The following DAO variants were observed in gnomAD, a reference collection of about 807,000 sequenced individuals.
DAO encodes the protein D-amino acid oxidase.
In DAO, 51 loss-of-function variants were observed where a neutral mutation model predicts 50.1. The observed-to-expected ratio is 1.02, with a 90% CI of 0.81 to 1.29. The LOEUF (loss-of-function observed/expected upper bound fraction) is 1.29, where lower values mean the gene tolerates loss of function less well. Ranked by LOEUF, DAO falls within the 50% of genes most tolerant of loss-of-function variation. The probability of loss-of-function intolerance (pLI) is 0.00; values close to 1 mark genes in which losing one functional copy is unlikely to be tolerated. For synonymous variants in DAO, 160 were observed against 166.2 expected, an observed-to-expected ratio of 0.96 and a Z score of 0.29; for missense variants, 436 against 439.4, an observed-to-expected ratio of 0.99 and a Z score of 0.07.
chr12:108,898,236 G>T (rs373099322), intron 8 of DAO, among the ~76,000 whole-genome samples: 1 of 152,114 alleles, frequency 6.6e-6, no homozygotes, highest in Non-Finnish European at 1.5e-5. Context: ...GTTGATGAAG[G>T]TGTGATTGGG....
intron 1 of DAO, among the ~76,000 whole-genome samples, chr12:108,882,697 C>T (rs1352182140): frequency 6.6e-6 from 1 of 152,072 alleles, no homozygotes; most frequent in African/African-American, 2.4e-5. Context: ...AGCAACTTGC[C>T]CAGGGTTACA....
In DAO at chr12:108,898,422, G is replaced by A. The variant is rs147789034; in HGVS notation, c.696-257G>A. The A allele has an allele frequency of 7.0e-3, 3,403 of 484,914 alleles. 28 individuals are homozygous for A. Among genetic ancestry groups the A allele is most frequent in the Non-Finnish European group, 9.8e-3 (2,544 of 260,530 alleles). 30.0% of individuals were successfully genotyped at this position (484,914 alleles called of 1,614,324 possible). On this transcript the variant is annotated intron_variant, in intron 8 of 10. Coordinates refer to ENST00000228476, the MANE Select transcript of DAO (RefSeq NM_001917.5). ...AATATCAATGGCAATGTTAGTGGTG[G>A]TGGTGAAATGATGAATGCAGTTGGT... is the stretch of plus-strand genomic sequence containing the variant.
chr12:108,898,966 G>A (rs1305560589), intron 9 of DAO, among the ~76,000 whole-genome samples, 170 bp downstream of exon 9: 1 of 152,208 alleles, frequency 6.6e-6, no homozygotes, highest in Admixed American at 6.5e-5. Flanking sequence ...TCTTGCTATG[G>A]GCTAATGAAT....
At chr12:108,889,412 T>G in intron 3 of DAO, 57 bp from the exon 4 acceptor site, 14 of 1,206,886 alleles carry the variant, frequency 1.2e-5, no homozygotes, top group Non-Finnish European at 1.6e-5. Flanking sequence ...GCCTGGCCCA[T>G]TATCATTATT....
intron 7 of DAO, among the ~76,000 whole-genome samples, chr12:108,895,538 G>GT (rs2039542859): frequency 6.7e-6 from 1 of 148,640 alleles, no homozygotes; most frequent in Non-Finnish European, 1.5e-5. Context: ...CCATGTGAGG[G>GT]TATGTGTGTG....
intron 8 of DAO, among the ~76,000 whole-genome samples, chr12:108,898,102 T>C (rs1388296509): frequency 6.6e-6 from 1 of 151,990 alleles, no homozygotes; most frequent in East Asian, 1.9e-4. Flanking sequence ...GATAGCGGAA[T>C]GGTGGTATTA....
At chr12:108,887,346 C>T in intron 2 of DAO, 104 bp from the exon 3 acceptor site, 2 of 846,874 alleles carry the variant, frequency 2.4e-6, no homozygotes, top group Non-Finnish European at 4.2e-6. Context: ...GGGTTTTGGA[C>T]ACACCCCAAG....
rs2111902 is a variant in DAO at position 108,884,971 on chromosome 12, T to G, written c.-9-27T>G. On this transcript the variant is annotated intron_variant, in intron 1 of 10. Coordinates refer to ENST00000228476, the MANE Select transcript of DAO (RefSeq NM_001917.5). ...GATGATGGAGATGATGGTGATGATG[T>G]TGTGCCTCAACCCTTCCTTCCCACA... The G allele has an allele frequency of 0.34, 540,293 of 1,603,824 alleles. 98,144 individuals carry two copies. The highest frequency in any genetic ancestry group is 0.58 in the Admixed American group (34,734 of 59,950).
intron 5 of DAO, among the ~76,000 whole-genome samples, chr12:108,890,684 T>A (rs933687978): frequency 6.6e-6 from 1 of 152,198 alleles, no homozygotes; most frequent in Non-Finnish European, 1.5e-5. Context: ...ATGTTACTCA[T>A]ACAGATGATA....
rs775311405 is a variant in DAO at position 108,889,460 on chromosome 12, C to T, written c.310-9C>T. ...CCCACCCAGTGCCCCCTTTGTCCTT[C>T]CTCTTCAGGACCCTTCCTGGAAGGA... is the stretch of plus-strand genomic sequence containing the variant. On this transcript the variant is annotated splice_polypyrimidine_tract_variant and intron_variant, in intron 3 of 10. Coordinates refer to ENST00000228476, the MANE Select transcript of DAO (RefSeq NM_001917.5). The T allele has an allele frequency of 6.2e-7, 1 of 1,608,076 alleles. No individual in the cohort carries two copies. The highest frequency in any genetic ancestry group is 2.2e-5 in the East Asian group (1 of 44,664).
chr12:108,895,541 T>TGTGTGTGTGC (rs2137361493), intron 7 of DAO, among the ~76,000 whole-genome samples: 1 of 144,508 alleles, frequency 6.9e-6, no homozygotes, highest in African/African-American at 2.6e-5. Context: ...TGTGAGGGTA[T>TGTGTGTGTGC]GTGTGTGTGC....
At chr12:108,892,913 T>A in intron 5 of DAO, 69 bp from the exon 6 acceptor site, 1 of 1,443,488 alleles carries the variant, frequency 6.9e-7, no homozygotes, top group Non-Finnish European at 9.8e-7. Flanking sequence ...AAGGTCCCTG[T>A]GCCACCCTCT....
At chr12:108,894,955 A>C (rs1263554751) in intron 7 of DAO, among the ~76,000 whole-genome samples, 1 of 152,126 alleles carries the variant, frequency 6.6e-6, no homozygotes, top group Non-Finnish European at 1.5e-5. Context: ...GGCTCAAGTG[A>C]TCCCCCCACC....
rs1190591062 is a variant in DAO at position 108,899,438 on chromosome 12, A to T, written c.875A>T (p.Glu292Val). The change falls in exon 10 of 11, where the codon GAA becomes GTA. Residue 292 changes from glutamate to valine, a missense_variant. By Grantham distance (121) the Glu-to-Val change is moderately radical (BLOSUM62 -2). Coordinates refer to ENST00000228476, the MANE Select transcript of DAO (RefSeq NM_001917.5). ...FRPVRPQIRL[E>V]REQLRTGPSN... ...CCAGTACGCCCCCAGATTCGGCTAG[A>T]AAGAGAACAGCTTCGCACTGGACCT... 6.2e-7 allele frequency: 1 copy of T among 1,613,802 alleles called. No individual in the cohort carries two copies. The highest frequency in any genetic ancestry group is 8.5e-7 in the Non-Finnish European group (1 of 1,179,952).
intron 8 of DAO, chr12:108,898,396 CAA>C: frequency 2.3e-6 from 1 of 437,896 alleles, no homozygotes; most frequent in South Asian, 2.1e-5. Flanking sequence ...GTGGAGATGA[CAA>C]TATCAATGGC....
At chr12:108,898,843 C>G (rs1433633626) in intron 9 of DAO, 47 bp downstream of exon 9, 2 of 1,324,270 alleles carry the variant, frequency 1.5e-6, no homozygotes, top group Non-Finnish European at 2.2e-6. Context: ...GTCGTGGGAG[C>G]TTGGTAATGA....
chr12:108,882,772 C>T (rs976153825), intron 1 of DAO, among the ~76,000 whole-genome samples: 1 of 152,192 alleles, frequency 6.6e-6, no homozygotes. Context: ...CTGGGCCATA[C>T]TGTCTCTTAG....
chr12:108,892,306 G>A (rs2039500479), intron 5 of DAO, among the ~76,000 whole-genome samples: 1 of 151,646 alleles, frequency 6.6e-6, no homozygotes, highest in African/African-American at 2.4e-5. Context: ...TGGAATACAG[G>A]CGCCTGCCAC....
At chr12:108,897,360 G>GCT (rs1476311028) in intron 8 of DAO, among the ~76,000 whole-genome samples, 8 of 152,048 alleles carry the variant, frequency 5.3e-5, no homozygotes, top group Non-Finnish European at 1.2e-4. Context: ...GAGATTACAG[G>GCT]TGCCCACCAC....
Sources: gnomAD v4.1 joint callset for allele counts (sites outside exome capture counted in the v4.1 genomes callset) on GRCh38, gnomAD v4.1.1 for gene constraint, MANE v1.5 for transcripts, NCBI Gene and HGNC (gene_info 2026-07-23, HGNC 2026-07-21) for gene names.